Variants in ARID3A observed in about 807,000 individuals in gnomAD.
ARID3A encodes AT-rich interaction domain 3A.
In ARID3A, 11 loss-of-function variants were observed where a neutral mutation model predicts 52.7. The observed-to-expected ratio is 0.21, with a 90% CI of 0.13 to 0.35. ARID3A has a LOEUF of 0.35. ARID3A is among the 10% of genes least tolerant of loss of function. The probability of loss-of-function intolerance (pLI) is 1.00; values close to 1 mark genes in which losing one functional copy is unlikely to be tolerated. For missense variants in ARID3A, 721 were observed against 838.5 expected (o/e 0.86, Z 1.73); for synonymous variants, 404 against 359.4 (o/e 1.12, Z -1.40).
rs538442292 is a variant in ARID3A at position 972,153 on chromosome 19, G to A, written c.*88G>A. 1.6e-6 allele frequency: 2 copies of A among 1,276,278 alleles called. No individual in the cohort carries two copies. Among genetic ancestry groups the A allele is most frequent in the Non-Finnish European group, 2.1e-6 (2 of 955,692 alleles). The allele number at this position is 1,276,278 out of a possible 1,614,324, so 79.1% of individuals were successfully genotyped here. A position where few individuals can be genotyped will look rare whatever the true frequency, so the allele number is the denominator to read the frequency against. On this transcript the variant is annotated 3_prime_UTR_variant, in exon 9 of 9. Transcript: ENST00000263620. ...GGGCCACACAGGGGCCAGGATGGCGGAAGATACGGGTGGGGAGGGAAGATA... is the reference window on the plus strand; with the variant it reads ...GGGCCACACAGGGGCCAGGATGGCGAAAGATACGGGTGGGGAGGGAAGATA...
At position 942,101 on chromosome 19, in the gene ARID3A, C is replaced by T. The variant is rs1429809949; in HGVS notation, c.693+9359C>T. On this transcript the variant is annotated intron_variant, in intron 3 of 8. Coordinates refer to ENST00000263620, the MANE Select transcript of ARID3A (RefSeq NM_005224.3). The surrounding 1 kb of genome is among the most constrained non-coding windows in gnomAD (Gnocchi z 8.1). ...GCGCCTCCCCTGCCCGCCATGGGCT[C>T]TGGAGCCAGCCTAGCCGATGATGGA... Among the ~76,000 whole-genome samples, 1 of 152,190 alleles carries T rather than the reference C, an allele frequency of 6.6e-6. No homozygotes were observed. The highest frequency in any genetic ancestry group is 1.5e-5 in the Non-Finnish European group (1 of 68,016).
chr19:971,809 G>A (rs1172602121), intron 8 of ARID3A, 69 bp from the exon 9 acceptor site: 1 of 1,511,202 alleles, frequency 6.6e-7, no homozygotes, highest in Non-Finnish European at 8.8e-7. Flanking sequence ...ACCCCATTGG[G>A]TCTCCCTTGT....
At position 964,234 on chromosome 19, in the gene ARID3A, G is replaced by A. The variant is rs762534288; in HGVS notation, c.767-14G>A. ...CCAGGTGGCCCCCAACCTCCCTCTC[G>A]CCCCTTCCCCCAGGGACACCTGTGA... On this transcript the variant is annotated splice_polypyrimidine_tract_variant and intron_variant, in intron 4 of 8. Transcript: ENST00000263620. The surrounding 1 kb of genome is among the most constrained non-coding windows in gnomAD (Gnocchi z 5.7). 8 of 1,601,492 alleles carry A rather than the reference G, an allele frequency of 5.0e-6. No homozygotes were observed. The highest frequency in any genetic ancestry group is 2.2e-5 in the South Asian group (2 of 90,278).
Position 947,463 on chromosome 19 carries a change from T to C in ARID3A, c.694-12629T>C, listed in dbSNP as rs997784066. Among the ~76,000 whole-genome samples, 12 of 152,128 alleles carry C rather than the reference T, an allele frequency of 7.9e-5. No homozygotes were observed. The highest frequency in any genetic ancestry group is 2.9e-4 in the African/African-American group (12 of 41,412). ...ACTCGTGGGCCTCAGTTTCCCCAAC[T>C]GTGAAACGGGCTGGCGGCCGGTCAG... On this transcript the variant is annotated intron_variant, in intron 3 of 8. Coordinates refer to ENST00000263620, the MANE Select transcript of ARID3A (RefSeq NM_005224.3). The surrounding 1 kb of genome is among the most constrained non-coding windows in gnomAD (Gnocchi z 6.3).
chr19:972,027 A>C lies in ARID3A; in HGVS notation c.1744A>C (p.Thr582Pro). The change falls in exon 9 of 9, where the codon ACA becomes CCA. Residue 582 changes from threonine to proline, a missense_variant. Physicochemically the swap from Thr to Pro is conservative, Grantham distance 38. Transcript: ENST00000263620. ...GGQAGPAGLS[T>P]PSTSTSNNSL... ...CCAGGCTGGGCCAGCGGGGCTGTCC[A>C]CACCCTCCACATCTACCTCAAATAA... The C allele has an allele frequency of 6.3e-7, 1 of 1,590,272 alleles. No individual in the cohort carries two copies. The highest frequency in any genetic ancestry group is 8.5e-7 in the Non-Finnish European group (1 of 1,169,960).
At chr19:927,283 T>A (rs926724494) in intron 1 of ARID3A, among the ~76,000 whole-genome samples, 1 of 116,574 alleles carries the variant, frequency 8.6e-6, no homozygotes, top group Non-Finnish European at 1.9e-5. Flanking sequence ...TGTCATAAAA[T>A]GGGGGTGGGG....
In ARID3A at chr19:966,421, G is replaced by T. The variant is rs570233023; in HGVS notation, c.1199-151G>T. The T allele has an allele frequency of 1.9e-5, 12 of 643,092 alleles. No homozygotes were observed. The East Asian group carries it at 3.7e-4, about 20-fold the overall frequency. The allele number at this position is 643,092 out of a possible 1,614,324, so 39.8% of individuals were successfully genotyped here. A position where few individuals can be genotyped will look rare whatever the true frequency, so the allele number is the denominator to read the frequency against. ...TGCGGTGAGCTGAGATCGCACCATT[G>T]CACTCCAGCCTGGGCAACAAGAGTG... On this transcript the variant is annotated intron_variant, in intron 6 of 8. Transcript: ENST00000263620.
chr19:974,910 A>G lies in ARID3A; in HGVS notation c.*2845A>G, dbSNP rs2038350190. On this transcript the variant is annotated 3_prime_UTR_variant, in exon 9 of 9. Transcript: ENST00000263620. ...GCGAGGCTGGGTCCCGGCCCAGGAG[A>G]AGGAAGTCGCTGAAGGCAGTGGCCA... The G allele has an allele frequency of 8.8e-6, 2 of 226,570 alleles. No homozygotes were observed. The highest frequency in any genetic ancestry group is 6.2e-5 in the East Asian group (1 of 16,048). The allele number at this position is 226,570 out of a possible 1,614,324, so 14.0% of individuals were successfully genotyped here. A position where few individuals can be genotyped will look rare whatever the true frequency, so the allele number is the denominator to read the frequency against.
intron 3 of ARID3A, among the ~76,000 whole-genome samples, chr19:956,184 C>T (rs1340687042): frequency 4.6e-5 from 7 of 152,270 alleles, no homozygotes; most frequent in East Asian, 1.9e-4. Context: ...ACAGCCCCAG[C>T]GGTGAAGTCC....
chr19:931,816 A>T (rs1402106565), intron 2 of ARID3A, among the ~76,000 whole-genome samples: 1 of 149,638 alleles, frequency 6.7e-6, no homozygotes, highest in African/African-American at 2.5e-5. Context: ...CCCTCTCAAA[A>T]AAAAGACAAA....
chr19:949,514 C>T (rs965830620), intron 3 of ARID3A, among the ~76,000 whole-genome samples: 3 of 152,076 alleles, frequency 2.0e-5, no homozygotes, highest in African/African-American at 7.2e-5. Flanking sequence ...CGGCCTCTTT[C>T]TTTTCCTTCT....
chr19:969,039 C>T (rs941446688), intron 8 of ARID3A, among the ~76,000 whole-genome samples: 6 of 152,124 alleles, frequency 3.9e-5, no homozygotes, highest in African/African-American at 1.2e-4. Flanking sequence ...GCTGTGATGA[C>T]GCCACTGCAC....
rs2037630936 is a variant in ARID3A, at chr19:944,370, G to A, written c.693+11628G>A. ...TGTGTCTGCGTGGGAGTGTCTGGCT[G>A]TGTGGCTGCACGGAGGCCTGTCTGG... is the stretch of plus-strand genomic sequence containing the variant. On this transcript the variant is annotated intron_variant, in intron 3 of 8. Coordinates refer to ENST00000263620, the MANE Select transcript of ARID3A (RefSeq NM_005224.3). This position sits in a 1 kb window ranked among gnomAD's most constrained non-coding sequence, Gnocchi z 5.9. Among the ~76,000 whole-genome samples the A allele has an allele frequency of 6.6e-6, 1 of 152,090 alleles. No individual in the cohort carries two copies. Among genetic ancestry groups the A allele is most frequent in the South Asian group, 2.1e-4 (1 of 4,824 alleles).
intron 3 of ARID3A, among the ~76,000 whole-genome samples, chr19:955,531 T>C (rs1599412889): frequency 6.6e-6 from 1 of 152,182 alleles, no homozygotes; most frequent in Non-Finnish European, 1.5e-5. Flanking sequence ...TGGCTGGCTG[T>C]ACATGGGGCA....
intron 3 of ARID3A, among the ~76,000 whole-genome samples, chr19:951,675 C>T (rs902523288): frequency 7.9e-5 from 12 of 152,212 alleles, no homozygotes; most frequent in Admixed American, 2.6e-4. Context: ...CCGCTGGGTG[C>T]GTGGGCGCCT....
At chr19:963,131 G>T (rs1387505886) in intron 4 of ARID3A, among the ~76,000 whole-genome samples, 3 of 152,146 alleles carry the variant, frequency 2.0e-5, no homozygotes, top group Admixed American at 6.5e-5. Flanking sequence ...CAGGCAGAGG[G>T]CCGGCTGCTC....
At chr19:925,836 G>C (rs1422204297), upstream of ARID3A, 3 of 152,148 alleles carry the variant, frequency 2.0e-5, no homozygotes, top group East Asian at 5.8e-4. Flanking sequence ...ACCGCGGGAG[G>C]GGGGCGAGGG....
intron 3 of ARID3A, among the ~76,000 whole-genome samples, chr19:957,263 G>T (rs913543177): frequency 9.9e-5 from 15 of 152,100 alleles, no homozygotes; most frequent in Non-Finnish European, 1.8e-4. Flanking sequence ...TTCATAGCTG[G>T]AGGCTGAGAC....
Position 947,399 on chromosome 19 carries a change from G to C in ARID3A, c.694-12693G>C, listed in dbSNP as rs888243965. 5.9e-5 allele frequency among the ~76,000 whole-genome samples: 9 copies of C among 152,106 alleles called. No individual in the cohort carries two copies. Among genetic ancestry groups the C allele is most frequent in the African/African-American group, 1.9e-4 (8 of 41,428 alleles). ...AGTGCCTGTCAGCTGATCCCACCCC[G>C]GCCACATCTCAGCACCAGGCCTGTC... On this transcript the variant is annotated intron_variant, in intron 3 of 8. Coordinates refer to ENST00000263620, the MANE Select transcript of ARID3A (RefSeq NM_005224.3). The surrounding 1 kb of genome is among the most constrained non-coding windows in gnomAD (Gnocchi z 6.3).
Sources: gnomAD v4.1 joint callset for allele counts (sites outside exome capture counted in the v4.1 genomes callset) on GRCh38, gnomAD v4.1.1 for gene constraint, Gnocchi (gnomAD v3.1) non-coding constraint, MANE v1.5 for transcripts, NCBI Gene and HGNC (gene_info 2026-07-23, HGNC 2026-07-21) for gene names.